The following OTOGL variants were observed in gnomAD, a reference collection of about 807,000 sequenced individuals.
OTOGL encodes otogelin like.
Under a neutral mutation model 318.5 loss-of-function variants are expected in OTOGL, and 285 were observed. The ratio of observed to expected loss-of-function variants is 0.89; its 90% CI spans 0.81 to 0.99. OTOGL has a LOEUF of 0.99. Ranked by LOEUF, OTOGL falls within the 50% of genes least tolerant of loss-of-function variation. The probability of loss-of-function intolerance (pLI) is 0.00; values close to 1 mark genes in which losing one functional copy is unlikely to be tolerated. For missense variants in OTOGL, 2,899 were observed against 2,845.6 expected (o/e 1.02, Z -0.43); for synonymous variants, 987 against 936.5 (o/e 1.05, Z -0.99).
At chr12:80,188,137 A>C (rs1875422847) in intron 1 of OTOGL, among the ~76,000 whole-genome samples, 1 of 152,196 alleles carries the variant, frequency 6.6e-6, no homozygotes. Context: ...TGAGGAGTGA[A>C]ATAAATATTT....
intron 1 of OTOGL, among the ~76,000 whole-genome samples, chr12:80,205,242 G>A (rs1876731870): frequency 6.6e-6 from 1 of 152,170 alleles, no homozygotes; most frequent in African/African-American, 2.4e-5. Flanking sequence ...AGAGAATGAA[G>A]ATAGCTGCAG....
At chr12:80,146,896 G>A (rs891564997) in intron 1 of OTOGL, among the ~76,000 whole-genome samples, 3 of 142,172 alleles carry the variant, frequency 2.1e-5, no homozygotes, top group African/African-American at 7.9e-5. Flanking sequence ...TGTGGGATTG[G>A]TGGTGATATC....
intron 27 of OTOGL, 72 bp downstream of exon 27, chr12:80,297,033 T>G (rs34666432): frequency 7.6e-7 from 1 of 1,319,434 alleles, no homozygotes; most frequent in Non-Finnish European, 1.0e-6. Flanking sequence ...AGAAATGATT[T>G]GGTCTACTCC....
intron 19 of OTOGL, among the ~76,000 whole-genome samples, chr12:80,263,146 C>A (rs771436003): frequency 5.9e-5 from 9 of 152,050 alleles, no homozygotes; most frequent in Non-Finnish European, 4.4e-5. Context: ...GATCATTTTT[C>A]TTATCTATAA....
At chr12:80,234,374 T>C (rs1849784481) in intron 9 of OTOGL, among the ~76,000 whole-genome samples, 1 of 152,218 alleles carries the variant, frequency 6.6e-6, no homozygotes, top group Non-Finnish European at 1.5e-5. Flanking sequence ...TAAAGTGCTA[T>C]ATAATACTTC....
intron 57 of OTOGL, among the ~76,000 whole-genome samples, chr12:80,374,568 T>C (rs1228622809): frequency 6.6e-6 from 1 of 152,150 alleles, no homozygotes; most frequent in Non-Finnish European, 1.5e-5. Flanking sequence ...TAAACTAATA[T>C]GAATCAAATA....
chr12:80,144,302 G>A (rs1013815612), intron 1 of OTOGL, among the ~76,000 whole-genome samples: 11 of 151,470 alleles, frequency 7.3e-5, no homozygotes, highest in African/African-American at 1.7e-4. Flanking sequence ...GAGAATATGC[G>A]GTGTTTGGTT....
intron 1 of OTOGL, among the ~76,000 whole-genome samples, chr12:80,164,494 G>A (rs537441210): frequency 6.6e-6 from 1 of 152,146 alleles, no homozygotes; most frequent in Non-Finnish European, 1.5e-5. Context: ...CTAGGAATTT[G>A]TTTCATCTAA....
intron 1 of OTOGL, among the ~76,000 whole-genome samples, chr12:80,143,285 T>C (rs1872075589): frequency 6.6e-6 from 1 of 152,114 alleles, no homozygotes; most frequent in South Asian, 2.1e-4. Context: ...GTCCCTAAAG[T>C]TTAGAATTCC....
At chr12:80,242,295 G>A (rs1330881872) in intron 11 of OTOGL, among the ~76,000 whole-genome samples, 1 of 152,178 alleles carries the variant, frequency 6.6e-6, no homozygotes, top group East Asian at 1.9e-4. Flanking sequence ...GCAGGATAGA[G>A]AAGCAACTTG....
intron 35 of OTOGL, among the ~76,000 whole-genome samples, chr12:80,325,586 G>A (rs1310766121): frequency 6.6e-6 from 1 of 152,030 alleles, no homozygotes; most frequent in East Asian, 1.9e-4. Flanking sequence ...GAGATCAGAG[G>A]GAAGAAAATG....
chr12:80,309,860 T>C (rs1437429614), intron 29 of OTOGL, among the ~76,000 whole-genome samples: 1 of 152,120 alleles, frequency 6.6e-6, no homozygotes, highest in Admixed American at 6.5e-5. Flanking sequence ...AGATGTGGGA[T>C]GGACATAGGG....
chr12:80,313,593 G>A lies in OTOGL; in HGVS notation c.3568G>A (p.Glu1190Lys). Reference protein sequence around the residue: ...IAAYAYKCCQEGISIHWRSST... With the variant: ...IAAYAYKCCQKGISIHWRSST... Reference sequence around the variant, plus strand: ...TGCATATGCATACAAGTGTTGTCAGGAAGGAATATCAATTCATTGGAGATC... The same window carrying A: ...TGCATATGCATACAAGTGTTGTCAGAAAGGAATATCAATTCATTGGAGATC... Residue 1190 changes from glutamate to lysine, a missense_variant, in exon 31 of 59, where the codon GAA (glutamate) becomes AAA (lysine). Coordinates refer to ENST00000547103, the MANE Select transcript of OTOGL (RefSeq NM_001378609.3). 2 of 1,612,706 alleles carry A rather than the reference G, an allele frequency of 1.2e-6. No homozygotes were observed. Among genetic ancestry groups the A allele is most frequent in the Non-Finnish European group, 8.5e-7 (1 of 1,179,118 alleles).
chr12:80,290,750 A>C (rs369721803), intron 26 of OTOGL, among the ~76,000 whole-genome samples: 5 of 152,302 alleles, frequency 3.3e-5, no homozygotes, highest in Admixed American at 6.5e-5. Context: ...ATATTTTCCA[A>C]TGTATGGTGG....
intron 1 of OTOGL, among the ~76,000 whole-genome samples, chr12:80,165,486 C>T (rs1023534834): frequency 1.3e-5 from 2 of 152,170 alleles, no homozygotes; most frequent in African/African-American, 2.4e-5. Context: ...GTTCCTTCCA[C>T]CCACCTGCAG....
rs1310494394 is a variant in OTOGL, at chr12:80,229,247, T to C, written c.490-10T>C. ...TTCCTATGCTTTCTTTTTGTTTTTC[T>C]CCCTTTAAGGTTCATAACAGCCCTA... is the stretch of plus-strand genomic sequence containing the variant. On this transcript the variant is annotated splice_polypyrimidine_tract_variant and intron_variant, in intron 7 of 58. Coordinates refer to ENST00000547103, the MANE Select transcript of OTOGL (RefSeq NM_001378609.3). 1.9e-6 allele frequency: 3 copies of C among 1,594,146 alleles called. No individual in the cohort carries two copies. Among genetic ancestry groups the C allele is most frequent in the Admixed American group, 1.7e-5 (1 of 59,544 alleles).
intron 52 of OTOGL, 29 bp from the exon 53 acceptor site, chr12:80,366,545 G>A: frequency 2.4e-6 from 1 of 411,758 alleles, no homozygotes; most frequent in Non-Finnish European, 3.4e-6. Context: ...TAAGCTAAAT[G>A]ATAAGTAATA....
chr12:80,220,743 T>C (rs1878240565), intron 6 of OTOGL, among the ~76,000 whole-genome samples: 1 of 151,680 alleles, frequency 6.6e-6, no homozygotes, highest in African/African-American at 2.4e-5. Flanking sequence ...GCATTGGGGA[T>C]GCAACGGTGA....
intron 11 of OTOGL, among the ~76,000 whole-genome samples, chr12:80,249,081 A>C (rs943005369): frequency 1.4e-5 from 2 of 145,526 alleles, no homozygotes; most frequent in Non-Finnish European, 3.0e-5. Flanking sequence ...TTTTTTTCAA[A>C]GTTTTCAACT....
Sources: allele counts gnomAD v4.1 joint callset (sites outside exome capture counted in the v4.1 genomes callset), GRCh38; gene constraint gnomAD v4.1.1; transcripts MANE v1.5; gene names NCBI Gene and HGNC (gene_info 2026-07-23, HGNC 2026-07-21).